OR2H2: variants seen among roughly 807,000 people sequenced by gnomAD.
The protein encoded by OR2H2 is olfactory receptor 2H2.
For synonymous variants in OR2H2, 146 were observed against 132.4 expected (o/e 1.10, Z -0.71); for missense variants, 295 against 313.7 (o/e 0.94, Z 0.45).
In OR2H2 at chr6:29,587,785, A is replaced by T. The variant is rs1760363711; in HGVS notation, c.-160A>T. The T allele has an allele frequency of 1.7e-6, 1 of 601,000 alleles. No homozygotes were observed. Among genetic ancestry groups the T allele is most frequent in the Non-Finnish European group, 3.0e-6 (1 of 331,878 alleles). The allele number at this position is 601,000 out of a possible 1,614,324, so 37.2% of individuals were successfully genotyped here. ...ACAGGGAATGAGAAGGAGCTGCTGGATGGTGATGAGCCTTGGAAAGGGAGG... is the reference window on the plus strand; with the variant it reads ...ACAGGGAATGAGAAGGAGCTGCTGGTTGGTGATGAGCCTTGGAAAGGGAGG... On this transcript the variant is annotated 5_prime_UTR_variant, in exon 2 of 2. It removes an upstream start codon present in the reference 5' UTR. Coordinates refer to ENST00000641840, the MANE Select transcript of OR2H2 (RefSeq NM_007160.4).
Position 29,588,465 on chromosome 6 carries a change from AT to A in OR2H2, c.525del (p.Phe175LeufsTer8), listed in dbSNP as rs1378352158. The A allele has an allele frequency of 6.4e-6, 8 of 1,250,706 alleles. No homozygotes were observed. In the African/African-American group the frequency reaches 8.9e-5, roughly 14 times the overall value. 77.5% of individuals were successfully genotyped at this position (1,250,706 alleles called of 1,614,324 possible). A position where few individuals can be genotyped will look rare whatever the true frequency, so the allele number is the denominator to read the frequency against. On this transcript the variant is annotated frameshift_variant, in exon 2 of 2. Coordinates refer to ENST00000641840, the MANE Select transcript of OR2H2 (RefSeq NM_007160.4). LOFTEE classifies it low-confidence loss of function (END_TRUNC). Reference sequence around the variant, plus strand: ...TTCTGCCCCGATCGGCAGGTGGATGATTTTGTCTGTGAGGTCCCAGCTCTAA... The same window carrying A: ...TTCTGCCCCGATCGGCAGGTGGATGATTTGTCTGTGAGGTCCCAGCTCTAA... ...LPFCPDRQVD[D>X]FVCEVPALIR...
Position 29,589,355 on chromosome 6 carries a change from G to A in OR2H2, c.*472G>A, listed in dbSNP as rs573347345. Reference sequence around the variant, plus strand: ...GGGAAGCTGAAGCCCAGCTAAGTTCGGAAACTCACCCAAGAACACACAGTG... The same window carrying A: ...GGGAAGCTGAAGCCCAGCTAAGTTCAGAAACTCACCCAAGAACACACAGTG... On this transcript the variant is annotated 3_prime_UTR_variant, in exon 2 of 2. Coordinates refer to ENST00000641840, the MANE Select transcript of OR2H2 (RefSeq NM_007160.4). 2.0e-4 allele frequency: 33 copies of A among 161,104 alleles called. No homozygotes were observed. Among genetic ancestry groups the A allele is most frequent in the South Asian group, 7.0e-4 (4 of 5,736 alleles). 10.0% of individuals were successfully genotyped at this position (161,104 alleles called of 1,614,324 possible).
At position 29,588,481 on chromosome 6, in the gene OR2H2, C is replaced by T; in HGVS notation, c.537C>T (p.Val179=). The T allele has an allele frequency of 8.9e-7, 1 of 1,126,976 alleles. No homozygotes were observed. Among genetic ancestry groups the T allele is most frequent in the Non-Finnish European group, 1.4e-6 (1 of 735,678 alleles). The allele number at this position is 1,126,976 out of a possible 1,614,324, so 69.8% of individuals were successfully genotyped here. The change falls in exon 2 of 2, where the codon GTC becomes GTT. Residue 179 remains valine (V), a synonymous_variant. Coordinates refer to ENST00000641840, the MANE Select transcript of OR2H2 (RefSeq NM_007160.4). ...DRQVDDFVCE[V]PALIRLSCED... is the part of the protein sequence containing the mutation. Reference sequence around the variant, plus strand: ...AGGTGGATGATTTTGTCTGTGAGGTCCCAGCTCTAATTCGACTCTCCTGTG... The same window carrying T: ...AGGTGGATGATTTTGTCTGTGAGGTTCCAGCTCTAATTCGACTCTCCTGTG...
intron 1 of OR2H2, among the ~76,000 whole-genome samples, chr6:29,585,770 T>G (rs954893298): frequency 6.7e-6 from 1 of 149,872 alleles, no homozygotes; most frequent in African/African-American, 2.5e-5. Context: ...GGAAAAGGAG[T>G]AGGAGAAAAA....
rs1044331668 is a variant in OR2H2, at chr6:29,588,725, A to C, written c.781A>C (p.Lys261Gln). The C allele has an allele frequency of 5.5e-6, 8 of 1,465,818 alleles. No individual in the cohort carries two copies. Among genetic ancestry groups the C allele is most frequent in the Non-Finnish European group, 7.6e-6 (8 of 1,046,744 alleles). 90.8% of individuals were successfully genotyped at this position (1,465,818 alleles called of 1,614,324 possible). Residue 261 changes from lysine to glutamine, a missense_variant, in exon 2 of 2, where the codon AAA becomes CAA. Lys to Gln is a moderately conservative substitution (Grantham distance 53). Coordinates refer to ENST00000641840, the MANE Select transcript of OR2H2 (RefSeq NM_007160.4). ...AGTCATTGCTGTCTACCTCCAGCCC[A>C]AAAATCCCTATGCCCAAGAGAGGGG... ...SSVIAVYLQP[K>Q]NPYAQERGKF...
Position 29,585,151 on chromosome 6 carries a change from C to T in OR2H2, c.-475C>T, listed in dbSNP as rs1310734065. The T allele has an allele frequency of 1.3e-5, 2 of 152,168 alleles. No homozygotes were observed. Among genetic ancestry groups the T allele is most frequent in the East Asian group, 3.8e-4 (2 of 5,202 alleles). The allele number at this position is 152,168 out of a possible 1,614,324, so 9.4% of individuals were successfully genotyped here. A position where few individuals can be genotyped will look rare whatever the true frequency, so the allele number is the denominator to read the frequency against. On this transcript the variant is annotated 5_prime_UTR_variant, in exon 1 of 2. Transcript: ENST00000641840. ...TCTGAGCCAGCTCCAGCTCATCACA[C>T]ACATGTGTGCTTAGAAAAGTGCCAG...
At chr6:29,587,573 A>G (rs1344496471) in intron 1 of OR2H2, 97 bp from the exon 2 acceptor site, 1 of 217,028 alleles carries the variant, frequency 4.6e-6, no homozygotes, top group Non-Finnish European at 9.1e-6. Flanking sequence ...ACTCTAGAAC[A>G]GCATTCAGAA....
Position 29,588,977 on chromosome 6 carries a change from C to A in OR2H2, c.*94C>A. The A allele has an allele frequency of 1.5e-6, 1 of 655,634 alleles. No individual in the cohort carries two copies. 40.6% of individuals were successfully genotyped at this position (655,634 alleles called of 1,614,324 possible). A position where few individuals can be genotyped will look rare whatever the true frequency, so the allele number is the denominator to read the frequency against. ...CCTGCCCCTCTGCCTTCTTCACACC[C>A]ATTACATTGTGGGAATGGATGAAAG... On this transcript the variant is annotated 3_prime_UTR_variant, in exon 2 of 2. Coordinates refer to ENST00000641840, the MANE Select transcript of OR2H2 (RefSeq NM_007160.4).
rs1414388047 is a variant in OR2H2, at chr6:29,587,898, C to T, written c.-47C>T. ...AGTTTTGATAAGACAGGTTGAATCA[C>T]ACTGGAGTGACAGCCTCATCCCTCC... On this transcript the variant is annotated 5_prime_UTR_variant, in exon 2 of 2. Coordinates refer to ENST00000641840, the MANE Select transcript of OR2H2 (RefSeq NM_007160.4). The T allele has an allele frequency of 1.1e-5, 8 of 732,100 alleles. No homozygotes were observed. Among genetic ancestry groups the T allele is most frequent in the South Asian group, 9.4e-5 (6 of 64,032 alleles). 45.4% of individuals were successfully genotyped at this position (732,100 alleles called of 1,614,324 possible).
At chr6:29,587,135 G>T (rs931507684) in intron 1 of OR2H2, among the ~76,000 whole-genome samples, 1 of 152,164 alleles carries the variant, frequency 6.6e-6, no homozygotes, top group Non-Finnish European at 1.5e-5. Context: ...AAGACTACAA[G>T]ATTTAGGGAG....
intron 1 of OR2H2, 43 bp downstream of exon 1, chr6:29,585,393 C>T (rs980892959): frequency 2.0e-5 from 3 of 152,158 alleles, no homozygotes; most frequent in Admixed American, 6.5e-5. Context: ...TATCAGTTTC[C>T]GCCTATCCTC....
chr6:29,586,166 A>C (rs905011810), intron 1 of OR2H2, among the ~76,000 whole-genome samples: 9 of 152,212 alleles, frequency 5.9e-5, no homozygotes, highest in Non-Finnish European at 5.9e-5. Flanking sequence ...TACGTTAAAT[A>C]CATCTCAAAA....
Position 29,588,168 on chromosome 6 carries a change from G to A in OR2H2, c.224G>A (p.Cys75Tyr), listed in dbSNP as rs567319870. 6.7e-6 allele frequency: 9 copies of A among 1,344,466 alleles called. No individual in the cohort carries two copies. The Admixed American group carries it at 1.2e-4, about 18-fold the overall frequency. The allele number at this position is 1,344,466 out of a possible 1,614,324, so 83.3% of individuals were successfully genotyped here. The change falls in exon 2 of 2, where the codon TGT (cysteine) becomes TAT (tyrosine). Residue 75 changes from cysteine to tyrosine, a missense_variant. Cys to Tyr is a radical substitution (Grantham distance 194). Transcript: ENST00000641840. ...SFLDLCFTTS[C>Y]VPQMLVNLWG... ...TTGGACCTCTGTTTCACCACGAGTT[G>A]TGTTCCCCAAATGCTGGTCAACCTC...
At position 29,588,087 on chromosome 6, in the gene OR2H2, C is replaced by T. The variant is rs1233387; in HGVS notation, c.143C>T (p.Ala48Val). 272,295 of 949,472 alleles carry T rather than the reference C, an allele frequency of 0.29. 41,583 individuals are homozygous for T. Among genetic ancestry groups the T allele is most frequent in the East Asian group, 0.5 (20,926 of 42,002 alleles). The allele number at this position is 949,472 out of a possible 1,614,324, so 58.8% of individuals were successfully genotyped here. ...VGNTLIILLS[A>V]LDPKLHSPMY... ...AACACACTCATCATCCTGCTGTCTG[C>T]GCTGGACCCCAAGCTCCACTCTCCA... is the stretch of plus-strand genomic sequence containing the variant. Residue 48 changes from alanine (A) to valine (V), a missense_variant, in exon 2 of 2, where the codon GCG becomes GTG. By Grantham distance (64) the Ala-to-Val change is moderately conservative. Transcript: ENST00000641840.
chr6:29,590,182 A>G lies in OR2H2; in HGVS notation c.*1299A>G, dbSNP rs968968628. 3.9e-5 allele frequency: 6 copies of G among 152,348 alleles called. No homozygotes were observed. The highest frequency in any genetic ancestry group is 8.8e-5 in the Non-Finnish European group (6 of 68,042). The allele number at this position is 152,348 out of a possible 1,614,324, so 9.4% of individuals were successfully genotyped here. A position where few individuals can be genotyped will look rare whatever the true frequency, so the allele number is the denominator to read the frequency against. On this transcript the variant is annotated 3_prime_UTR_variant, in exon 2 of 2. Coordinates refer to ENST00000641840, the MANE Select transcript of OR2H2 (RefSeq NM_007160.4). ...TTATAACAACACTATGAAGCAGATA[A>G]TATTATTATCCTTTTTCAGAGGTAA...
chr6:29,587,627 G>A (rs1188707841), intron 1 of OR2H2, 43 bp from the exon 2 acceptor site: 1 of 313,858 alleles, frequency 3.2e-6, no homozygotes, highest in Non-Finnish European at 5.8e-6. Flanking sequence ...ATGAATTAAT[G>A]AATTAGTGCA....
In OR2H2 at chr6:29,588,417, C is replaced by A; in HGVS notation, c.473C>A (p.Thr158Lys). The A allele has an allele frequency of 6.5e-7, 1 of 1,544,490 alleles. No individual in the cohort carries two copies. The highest frequency in any genetic ancestry group is 8.9e-7 in the Non-Finnish European group (1 of 1,117,368). ...GGGCTAGTGGAGTCAGTGGTCCAGA[C>A]ACCATCCACCCTGCACCTGCCCTTC... ...VIGLVESVVQ[T>K]PSTLHLPFCP... The change falls in exon 2 of 2, where the codon ACA (threonine) becomes AAA (lysine). Residue 158 changes from threonine (T) to lysine (K), a missense_variant. Thr to Lys is a moderately conservative substitution (Grantham distance 78). Coordinates refer to ENST00000641840, the MANE Select transcript of OR2H2 (RefSeq NM_007160.4).
Position 29,589,418 on chromosome 6 carries a change from T to C in OR2H2, c.*535T>C, listed in dbSNP as rs545496824. 6.5e-6 allele frequency: 1 copy of C among 154,172 alleles called. No individual in the cohort carries two copies. Among genetic ancestry groups the C allele is most frequent in the East Asian group, 1.9e-4 (1 of 5,202 alleles). 9.6% of individuals were successfully genotyped at this position (154,172 alleles called of 1,614,324 possible). Reference sequence around the variant, plus strand: ...GAACTAAAATCCAGGCCCCATAATTTTCAGTCAGGCAACTCTCAAATACAC... The same window carrying C: ...GAACTAAAATCCAGGCCCCATAATTCTCAGTCAGGCAACTCTCAAATACAC... On this transcript the variant is annotated 3_prime_UTR_variant, in exon 2 of 2. Coordinates refer to ENST00000641840, the MANE Select transcript of OR2H2 (RefSeq NM_007160.4).
Position 29,588,621 on chromosome 6 carries a change from T to C in OR2H2, c.677T>C (p.Ile226Thr), listed in dbSNP as rs146052995. ...YGAITWAVLR[I>T]NSAKGRRKAF... ...GCCATTACCTGGGCAGTGCTGAGGA[T>C]TAACTCTGCAAAAGGGCGGAGGAAA... The change falls in exon 2 of 2, where the codon ATT (isoleucine) becomes ACT (threonine). Residue 226 changes from isoleucine to threonine, a missense_variant. Ile to Thr is a moderately conservative substitution (Grantham distance 89). Transcript: ENST00000641840. 1.3e-4 allele frequency: 163 copies of C among 1,296,576 alleles called. 1 individual carries two copies. The highest frequency in any genetic ancestry group is 1.6e-4 in the Non-Finnish European group (147 of 891,422). 80.3% of individuals were successfully genotyped at this position (1,296,576 alleles called of 1,614,324 possible).
Sources: gnomAD v4.1 joint callset for allele counts (sites outside exome capture counted in the v4.1 genomes callset) on GRCh38, gnomAD v4.1.1 for gene constraint, MANE v1.5 for transcripts, NCBI Gene and HGNC (gene_info 2026-07-23, HGNC 2026-07-21) for gene names.